The following DLGAP1 variants were observed in gnomAD, a reference collection of about 807,000 sequenced individuals.
DLGAP1 encodes the protein disks large-associated protein 1.
A neutral mutation model predicts 90.8 loss-of-function variants in DLGAP1; 11 were observed. That is an observed-to-expected ratio of 0.12 (90% CI 0.08 to 0.20). DLGAP1 has a LOEUF of 0.20. Ranked by LOEUF, DLGAP1 falls within the 10% of genes least tolerant of loss-of-function variation. The pLI is 1.00. For synonymous variants in DLGAP1, 558 were observed against 540.7 expected, an observed-to-expected ratio of 1.03 and a Z score of -0.44; for missense variants, 1,050 against 1,333.8, an observed-to-expected ratio of 0.79 and a Z score of 3.31.
chr18:3,951,874 A>G (rs1353599646), intron 3 of DLGAP1, among the ~76,000 whole-genome samples: 1 of 152,184 alleles, frequency 6.6e-6, no homozygotes, highest in Admixed American at 6.5e-5. Context: ...TTCTCCAGCC[A>G]TGCAGAACTG....
chr18:3,692,594 G>A (rs1009997129), intron 7 of DLGAP1, among the ~76,000 whole-genome samples: 1 of 151,648 alleles, frequency 6.6e-6, no homozygotes, highest in African/African-American at 2.4e-5. Context: ...AGTTAACCCT[G>A]TTTCTGCAAG....
chr18:3,513,636 A>G (rs1029176584), intron 10 of DLGAP1, among the ~76,000 whole-genome samples: 1 of 152,212 alleles, frequency 6.6e-6, no homozygotes, highest in African/African-American at 2.4e-5. Context: ...CTGAACAGAA[A>G]AGAGGAACCA....
intron 3 of DLGAP1, among the ~76,000 whole-genome samples, chr18:3,940,480 C>T (rs1382660636): frequency 2.0e-5 from 3 of 152,196 alleles, no homozygotes; most frequent in Non-Finnish European, 4.4e-5. Context: ...CTCTTTCCTT[C>T]AGAACTACTT....
At chr18:4,284,742 G>A (rs1449779921) in intron 1 of DLGAP1, among the ~76,000 whole-genome samples, 2 of 152,154 alleles carry the variant, frequency 1.3e-5, no homozygotes, top group Non-Finnish European at 2.9e-5. Flanking sequence ...CAGGTGACAA[G>A]CTATAGGAAG....
intron 7 of DLGAP1, among the ~76,000 whole-genome samples, chr18:3,661,485 C>T (rs8096356): frequency 0.25 from 37,222 of 151,922 alleles, 4,721 homozygotes; most frequent in African/African-American, 0.3. Flanking sequence ...CTGAGACGGT[C>T]CTGATGGAAA....
At chr18:4,363,477 C>T (rs1157366935) in intron 1 of DLGAP1, among the ~76,000 whole-genome samples, 3 of 152,090 alleles carry the variant, frequency 2.0e-5, no homozygotes, top group Non-Finnish European at 4.4e-5. Flanking sequence ...GGAAACCAGA[C>T]TTAAGAGAAA....
intron 1 of DLGAP1, among the ~76,000 whole-genome samples, chr18:4,167,420 T>G (rs1376273942): frequency 6.6e-6 from 1 of 152,118 alleles, no homozygotes; most frequent in Non-Finnish European, 1.5e-5. Flanking sequence ...GAGAGGGACA[T>G]ATCACAATAT....
chr18:4,237,133 G>A (rs1402942502), intron 1 of DLGAP1, among the ~76,000 whole-genome samples: 1 of 152,146 alleles, frequency 6.6e-6, no homozygotes, highest in Non-Finnish European at 1.5e-5. Flanking sequence ...GACTGTGTGT[G>A]CCTTTCTGTT....
At chr18:4,215,009 G>A (rs2077923050) in intron 1 of DLGAP1, among the ~76,000 whole-genome samples, 1 of 152,096 alleles carries the variant, frequency 6.6e-6, no homozygotes, top group Non-Finnish European at 1.5e-5. Context: ...AAAGAGTTCA[G>A]GTTAACTTAT....
At chr18:4,236,521 C>T (rs1232672932) in intron 1 of DLGAP1, among the ~76,000 whole-genome samples, 2 of 152,198 alleles carry the variant, frequency 1.3e-5, no homozygotes, top group Non-Finnish European at 2.9e-5. Context: ...CTGCCTTATA[C>T]TGAACCAATA....
At chr18:4,163,199 C>T (rs2076875239) in intron 1 of DLGAP1, among the ~76,000 whole-genome samples, 1 of 152,200 alleles carries the variant, frequency 6.6e-6, no homozygotes, top group South Asian at 2.1e-4. Context: ...GGACATATAT[C>T]TTCTAATATA....
At chr18:3,680,072 C>T (rs1216173987) in intron 7 of DLGAP1, 1 of 152,132 alleles carries the variant, frequency 6.6e-6, no homozygotes, top group Non-Finnish European at 1.5e-5. Context: ...CATGGCCATT[C>T]TTCACCAGGG....
chr18:3,659,434 C>T (rs995955230), intron 7 of DLGAP1, among the ~76,000 whole-genome samples: 6 of 138,092 alleles, frequency 4.3e-5, no homozygotes, highest in African/African-American at 1.8e-4. Flanking sequence ...CACACACACA[C>T]GGATGCTACC....
chr18:3,728,302 A>T (rs944758028), intron 7 of DLGAP1, among the ~76,000 whole-genome samples: 270 of 99,446 alleles, frequency 2.7e-3, no homozygotes, highest in African/African-American at 0.014. Flanking sequence ...CGCAAATGTT[A>T]TATATATATA....
intron 1 of DLGAP1, among the ~76,000 whole-genome samples, chr18:4,349,694 A>G (rs2081367779): frequency 1.3e-5 from 2 of 152,148 alleles, no homozygotes; most frequent in Non-Finnish European, 2.9e-5. Context: ...ATAGTGTGTC[A>G]TTCCATTTAT....
At chr18:4,271,430 C>T (rs1484817857) in intron 1 of DLGAP1, among the ~76,000 whole-genome samples, 1 of 152,064 alleles carries the variant, frequency 6.6e-6, no homozygotes, top group Non-Finnish European at 1.5e-5. Flanking sequence ...TGCCTGGTAT[C>T]CTTTGGGAAT....
chr18:3,690,941 T>C (rs1227237619), intron 7 of DLGAP1, among the ~76,000 whole-genome samples: 1 of 152,146 alleles, frequency 6.6e-6, no homozygotes, highest in East Asian at 1.9e-4. Flanking sequence ...GCTGAAGAAA[T>C]AAATACAAGT....
intron 1 of DLGAP1, among the ~76,000 whole-genome samples, chr18:4,200,573 A>G (rs895113139): frequency 6.6e-6 from 1 of 151,326 alleles, no homozygotes; most frequent in African/African-American, 2.4e-5. Flanking sequence ...ATTTAGAGGA[A>G]TAAATATTAA....
intron 3 of DLGAP1, among the ~76,000 whole-genome samples, chr18:3,968,184 G>A (rs2148998532): frequency 6.6e-6 from 1 of 152,168 alleles, no homozygotes; most frequent in South Asian, 2.1e-4. Flanking sequence ...ACCTCACCCT[G>A]CCCCACTTCT....
Sources: allele counts gnomAD v4.1 joint callset (sites outside exome capture counted in the v4.1 genomes callset), GRCh38; gene constraint gnomAD v4.1.1; transcripts MANE v1.5; gene names NCBI Gene and HGNC (gene_info 2026-07-23, HGNC 2026-07-21).